The following TTC7B variants were observed in gnomAD, a reference collection of about 807,000 sequenced individuals.
The protein encoded by TTC7B is tetratricopeptide repeat domain 7B, also known as tetratricopeptide repeat protein 7B.
Under a neutral mutation model 106.8 loss-of-function variants are expected in TTC7B, and 28 were observed. That is an observed-to-expected ratio of 0.26 (90% CI 0.19 to 0.36). The LOEUF (loss-of-function observed/expected upper bound fraction) is 0.36. TTC7B is among the 10% of genes least tolerant of loss of function. The pLI is 1.00. For synonymous variants in TTC7B, 405 were observed against 430.6 expected (o/e 0.94, Z 0.74); for missense variants, 862 against 1,076.4 (o/e 0.80, Z 2.79).
At chr14:90,755,691 A>C (rs1003272321) in intron 3 of TTC7B, among the ~76,000 whole-genome samples, 7 of 152,170 alleles carry the variant, frequency 4.6e-5, no homozygotes, top group Non-Finnish European at 8.8e-5. Flanking sequence ...AAACAAAAAA[A>C]AAAAACAAGA....
intron 1 of TTC7B, among the ~76,000 whole-genome samples, chr14:90,800,865 G>C (rs947018845): frequency 2.0e-5 from 3 of 151,542 alleles, no homozygotes; most frequent in Non-Finnish European, 4.4e-5. Context: ...AGAATGAATA[G>C]AGGACACTAA....
At chr14:90,592,376 T>C (rs1462925307) in intron 18 of TTC7B, among the ~76,000 whole-genome samples, 3 of 152,224 alleles carry the variant, frequency 2.0e-5, no homozygotes, top group Non-Finnish European at 4.4e-5. Context: ...ACAGCCATTA[T>C]TTCTTGGAAG....
intron 3 of TTC7B, among the ~76,000 whole-genome samples, chr14:90,777,340 G>A (rs148133895): frequency 9.2e-5 from 14 of 152,238 alleles, no homozygotes; most frequent in African/African-American, 2.6e-4. Flanking sequence ...CCACTGCTAC[G>A]CTTCTGCATA....
Position 90,573,402 on chromosome 14 carries a change from GCCCTCTCCGGCTCACGGT to G in TTC7B, c.2310+4686_2310+4703del, listed in dbSNP as rs1262176799. Among the ~76,000 whole-genome samples, 501 of 121,670 alleles carry G rather than the reference GCCCTCTCCGGCTCACGGT, an allele frequency of 4.1e-3. 4 individuals are homozygous for G. The highest frequency in any genetic ancestry group is 5.4e-3 in the African/African-American group (171 of 31,642). The allele number at this position is 121,670 out of a possible 152,430, so 79.8% of individuals were successfully genotyped here. On this transcript the variant is annotated intron_variant, in intron 19 of 19. Transcript: ENST00000328459. ...CTCACGGTCCCTCTCCGGCTCACAG[GCCCTCTCCGGCTCACGGT>G]CCCTCTCCGGCTCACGGTCCCTCTC...
chr14:90,686,148 C>T (rs1351396583), intron 7 of TTC7B, among the ~76,000 whole-genome samples: 1 of 152,080 alleles, frequency 6.6e-6, no homozygotes, highest in Non-Finnish European at 1.5e-5. Flanking sequence ...TATACCATGA[C>T]TTGGACAGGG....
chr14:90,656,110 G>A (rs1486941349), intron 11 of TTC7B, among the ~76,000 whole-genome samples: 1 of 152,164 alleles, frequency 6.6e-6, no homozygotes, highest in African/African-American at 2.4e-5. Context: ...GTGTGTTTCA[G>A]GTGAGAGCCT....
intron 18 of TTC7B, among the ~76,000 whole-genome samples, chr14:90,592,048 T>G (rs772305158): frequency 1.1e-4 from 16 of 152,226 alleles, no homozygotes; most frequent in Non-Finnish European, 1.6e-4. Context: ...CAATTGAAGA[T>G]GCCAACACAG....
rs780041568 is a variant in TTC7B at position 90,538,839 on chromosome 14, G to C, written c.*2529C>G. The C allele has an allele frequency of 6.6e-6, 1 of 152,078 alleles. No individual in the cohort carries two copies. The highest frequency in any genetic ancestry group is 1.5e-5 in the Non-Finnish European group (1 of 68,034). The allele number at this position is 152,078 out of a possible 1,614,324, so 9.4% of individuals were successfully genotyped here. On this transcript the variant is annotated 3_prime_UTR_variant, in exon 20 of 20. Coordinates refer to ENST00000328459, the MANE Select transcript of TTC7B (RefSeq NM_001010854.2). ...TGGATTCCTATGATGGAAAAATCTC[G>C]GGCCGCAGTGCTCCAGCGGTGACCC...
At chr14:90,631,027 G>A (rs1332428902) in intron 15 of TTC7B, among the ~76,000 whole-genome samples, 1 of 152,032 alleles carries the variant, frequency 6.6e-6, no homozygotes, top group African/African-American at 2.4e-5. Flanking sequence ...GTAGAGACGG[G>A]GTTTCACTGT....
intron 6 of TTC7B, among the ~76,000 whole-genome samples, chr14:90,694,677 A>ATATAT (rs201456613): frequency 2.1e-4 from 21 of 97,784 alleles, no homozygotes; most frequent in African/African-American, 4.1e-4. Flanking sequence ...ATATATGTAT[A>ATATAT]TTTTTATTTT....
chr14:90,537,762 AC>A lies in TTC7B; in HGVS notation c.*3605del, dbSNP rs1889454513. 1 of 150,626 alleles carries A rather than the reference AC, an allele frequency of 6.6e-6. No individual in the cohort carries two copies. The highest frequency in any genetic ancestry group is 1.5e-5 in the Non-Finnish European group (1 of 67,614). The allele number at this position is 150,626 out of a possible 1,614,324, so 9.3% of individuals were successfully genotyped here. ...AAACAGCAGCCCTGCCACTCCCTAC[AC>A]CCCTTCCCTGGCTTCATCTTTCTCC... On this transcript the variant is annotated 3_prime_UTR_variant, in exon 20 of 20. Transcript: ENST00000328459.
intron 17 of TTC7B, among the ~76,000 whole-genome samples, chr14:90,607,257 A>G (rs531102838): frequency 6.6e-6 from 1 of 152,354 alleles, no homozygotes; most frequent in African/African-American, 2.4e-5. Flanking sequence ...CTGCCTGCAC[A>G]GCGGGTGATC....
intron 18 of TTC7B, among the ~76,000 whole-genome samples, chr14:90,590,829 T>C (rs1296917630): frequency 6.6e-6 from 1 of 152,236 alleles, no homozygotes; most frequent in South Asian, 2.1e-4. Flanking sequence ...AGATCCTAAT[T>C]GACTTCATTC....
Position 90,742,137 on chromosome 14 carries a change from C to T in TTC7B, c.576+2655G>A, listed in dbSNP as rs1889790917. On this transcript the variant is annotated intron_variant, in intron 4 of 19. Coordinates refer to ENST00000328459, the MANE Select transcript of TTC7B (RefSeq NM_001010854.2). This position sits in a 1 kb window ranked among gnomAD's most constrained non-coding sequence, Gnocchi z 4.1. ...CTCACTGCAACCTCGAACTTCTGGG[C>T]TCAAGCAATCCTCCCACCTAAGCCT... 6.6e-6 allele frequency among the ~76,000 whole-genome samples: 1 copy of T among 152,082 alleles called. No individual in the cohort carries two copies. The highest frequency in any genetic ancestry group is 2.4e-5 in the African/African-American group (1 of 41,404).
rs527604793 is a variant in TTC7B at position 90,742,556 on chromosome 14, A to G, written c.576+2236T>C. 2.6e-5 allele frequency among the ~76,000 whole-genome samples: 4 copies of G among 152,206 alleles called. No homozygotes were observed. The East Asian group carries it at 7.7e-4, about 29-fold the overall frequency. On this transcript the variant is annotated intron_variant, in intron 4 of 19. Coordinates refer to ENST00000328459, the MANE Select transcript of TTC7B (RefSeq NM_001010854.2). This position sits in a 1 kb window ranked among gnomAD's most constrained non-coding sequence, Gnocchi z 4.1. ...TTCTTTGTTTGCAGCAGCCTGGGAG[A>G]ATAAAGTGAGCCAGCACTAAGCTAG... is the stretch of plus-strand genomic sequence containing the variant.
chr14:90,599,927 T>C, intron 17 of TTC7B, among the ~76,000 whole-genome samples: 1 of 152,188 alleles, frequency 6.6e-6, no homozygotes, highest in East Asian at 1.9e-4. Flanking sequence ...TTTTCATTTC[T>C]TAACAGGAAA....
intron 1 of TTC7B, among the ~76,000 whole-genome samples, chr14:90,815,352 C>G (rs909904114): frequency 6.6e-6 from 1 of 152,116 alleles, no homozygotes; most frequent in African/African-American, 2.4e-5. Context: ...GGTACAAGAA[C>G]CAATCCAGTT....
At chr14:90,615,212 G>A (rs1893021468) in intron 16 of TTC7B, among the ~76,000 whole-genome samples, 1 of 152,190 alleles carries the variant, frequency 6.6e-6, no homozygotes, top group Non-Finnish European at 1.5e-5. Flanking sequence ...ATCGAGAAGA[G>A]GGAACGGGTT....
At chr14:90,806,829 C>A (rs533611650) in intron 1 of TTC7B, among the ~76,000 whole-genome samples, 1 of 152,118 alleles carries the variant, frequency 6.6e-6, no homozygotes, top group Non-Finnish European at 1.5e-5. Context: ...ATTGCTTGAG[C>A]CTGCGAGGTT....
Sources: allele counts gnomAD v4.1 joint callset (sites outside exome capture counted in the v4.1 genomes callset), GRCh38; gene constraint gnomAD v4.1.1; non-coding constraint Gnocchi (gnomAD v3.1); transcripts MANE v1.5; gene names NCBI Gene and HGNC (gene_info 2026-07-23, HGNC 2026-07-21).